Variants in CFAP54 observed in about 807,000 individuals in gnomAD.
CFAP54 encodes the protein cilia and flagella associated protein 54, also known as cilia- and flagella-associated protein 54.
In CFAP54, 290 loss-of-function variants were observed where a neutral mutation model predicts 370.4. The observed-to-expected ratio is 0.78, with a 90% CI of 0.71 to 0.86. The LOEUF (loss-of-function observed/expected upper bound fraction) is 0.86. CFAP54 is among the 40% of genes least tolerant of loss of function. The pLI is 0.00. For synonymous variants in CFAP54, 1,206 were observed against 1,236.5 expected, an observed-to-expected ratio of 0.98 and a Z score of 0.52; for missense variants, 3,399 against 3,528.7, an observed-to-expected ratio of 0.96 and a Z score of 0.93.
chr12:96,551,213 G>A (rs372017234), intron 15 of CFAP54, among the ~76,000 whole-genome samples: 138 of 152,188 alleles, frequency 9.1e-4, no homozygotes, highest in Non-Finnish European at 1.4e-3. Flanking sequence ...AGGCAAGATC[G>A]TGCCACTGTA....
chr12:96,505,015 T>G, intron 3 of CFAP54, among the ~76,000 whole-genome samples: 1 of 151,340 alleles, frequency 6.6e-6, no homozygotes, highest in East Asian at 1.9e-4. Context: ...TCTTTCTTTC[T>G]TTTTCTTTTC....
intron 39 of CFAP54, among the ~76,000 whole-genome samples, chr12:96,677,924 G>A (rs1171720174): frequency 1.3e-5 from 2 of 152,046 alleles, no homozygotes; most frequent in East Asian, 3.9e-4. Context: ...AATGACTCCA[G>A]GTTTCTTCCC....
intron 61 of CFAP54, among the ~76,000 whole-genome samples, 181 bp downstream of exon 61, chr12:96,785,071 A>G (rs888133312): frequency 3.9e-5 from 6 of 152,200 alleles, no homozygotes; most frequent in African/African-American, 7.2e-5. Context: ...TAGTACTTCA[A>G]TGTAATTGGT....
intron 14 of CFAP54, among the ~76,000 whole-genome samples, chr12:96,546,374 A>G (rs1955640056): frequency 6.6e-6 from 1 of 151,922 alleles, no homozygotes; most frequent in Non-Finnish European, 1.5e-5. Context: ...TTTTCTCCAC[A>G]CTTCCTTCCC....
At chr12:96,625,651 T>C in intron 28 of CFAP54, 67 bp from the exon 29 acceptor site, 1 of 921,918 alleles carries the variant, frequency 1.1e-6, no homozygotes, top group Non-Finnish European at 1.6e-6. Context: ...TTATTGTGAA[T>C]TACTCAAAAA....
At position 96,771,760 on chromosome 12, in the gene CFAP54, A is replaced by C. The variant is rs549369206; in HGVS notation, c.8281+6542A>C. 6.6e-5 allele frequency among the ~76,000 whole-genome samples: 10 copies of C among 152,334 alleles called. No homozygotes were observed. In the South Asian group the frequency reaches 2.1e-3, roughly 32 times the overall value. On this transcript the variant is annotated intron_variant, in intron 60 of 67. Coordinates refer to ENST00000524981, the MANE Select transcript of CFAP54 (RefSeq NM_001306084.2). Reference sequence around the variant, plus strand: ...ATACATGGAAATTGGCATTTTAAATACTGGCCCAGAACCAGTGAAACCCAG... The same window carrying C: ...ATACATGGAAATTGGCATTTTAAATCCTGGCCCAGAACCAGTGAAACCCAG...
intron 26 of CFAP54, among the ~76,000 whole-genome samples, chr12:96,606,311 G>C (rs923264243): frequency 6.6e-6 from 1 of 152,142 alleles, no homozygotes; most frequent in African/African-American, 2.4e-5. Flanking sequence ...GAGTGGGCAG[G>C]TTTCAGCAGG....
intron 32 of CFAP54, among the ~76,000 whole-genome samples, chr12:96,639,687 A>G (rs1956702970): frequency 6.6e-6 from 1 of 152,216 alleles, no homozygotes; most frequent in Non-Finnish European, 1.5e-5. Context: ...TCAATAAAAT[A>G]CTGGCAAACG....
chr12:96,788,525 GT>G (rs1380342460), intron 62 of CFAP54, among the ~76,000 whole-genome samples: 1 of 152,158 alleles, frequency 6.6e-6, no homozygotes, highest in African/African-American at 2.4e-5. Flanking sequence ...TATAAGATAT[GT>G]TCATGTTACT....
In CFAP54 at chr12:96,684,736, G is replaced by T; in HGVS notation, c.5804+1G>T. 6.2e-7 allele frequency: 1 copy of T among 1,607,668 alleles called. No homozygotes were observed. Among genetic ancestry groups the T allele is most frequent in the South Asian group, 1.1e-5 (1 of 89,356 alleles). On this transcript the variant is annotated splice_donor_variant, in intron 41 of 67. Coordinates refer to ENST00000524981, the MANE Select transcript of CFAP54 (RefSeq NM_001306084.2). LOFTEE classifies it high-confidence loss of function. ...TTCTCATCTTCGCAGAAAAGAAAAGGTAGATTTTTAGAAGTCTGTAGAACA... is the reference window on the plus strand; with the variant it reads ...TTCTCATCTTCGCAGAAAAGAAAAGTTAGATTTTTAGAAGTCTGTAGAACA...
chr12:96,854,976 A>C (rs1040582656), intron 66 of CFAP54, among the ~76,000 whole-genome samples: 1 of 152,190 alleles, frequency 6.6e-6, no homozygotes. Context: ...AAAGAGGTTT[A>C]ATTGAATCAC....
rs1321029525 is a variant in CFAP54 at position 96,784,772 on chromosome 12, T to G, written c.8337T>G (p.Asp2779Glu). Reference sequence around the variant, plus strand: ...GTACATTTTTGTACCAAAATGATGATGTGTGTGACAGCGCAGATGGTAGAA... The same window carrying G: ...GTACATTTTTGTACCAAAATGATGAGGTGTGTGACAGCGCAGATGGTAGAA... ...TSCTFLYQND[D>E]VCDSADGRKK... The change falls in exon 61 of 68, where the codon GAT (aspartate) becomes GAG (glutamate). Residue 2779 changes from aspartate (D) to glutamate (E), a missense_variant. Around this residue, in one of 3 missense-constraint regions of CFAP54, gnomAD observed 2,796 missense variants for 2,869.7 expected, o/e 0.97. Transcript: ENST00000524981. 1 of 1,533,506 alleles carries G rather than the reference T, an allele frequency of 6.5e-7. No homozygotes were observed. The highest frequency in any genetic ancestry group is 8.7e-7 in the Non-Finnish European group (1 of 1,145,716). 95.0% of individuals were successfully genotyped at this position (1,533,506 alleles called of 1,614,324 possible).
chr12:96,765,243 T>C, intron 60 of CFAP54, 25 bp downstream of exon 60: 1 of 1,454,188 alleles, frequency 6.9e-7, no homozygotes, highest in East Asian at 2.3e-5. Context: ...CTACATATTA[T>C]GCAAAAAAAC....
At chr12:96,693,999 T>C (rs1349272908) in intron 45 of CFAP54, among the ~76,000 whole-genome samples, 191 bp downstream of exon 45, 3 of 151,934 alleles carry the variant, frequency 2.0e-5, no homozygotes, top group African/African-American at 7.3e-5. Flanking sequence ...GATTATTTTA[T>C]GCTTGGGCCA....
chr12:96,619,947 T>C (rs1164373797), intron 26 of CFAP54, among the ~76,000 whole-genome samples: 1 of 152,216 alleles, frequency 6.6e-6, no homozygotes, highest in Non-Finnish European at 1.5e-5. Flanking sequence ...GACTCATGCC[T>C]ATAATCCCAG....
At chr12:96,709,882 A>G (rs1957592015) in intron 48 of CFAP54, among the ~76,000 whole-genome samples, 2 of 151,890 alleles carry the variant, frequency 1.3e-5, no homozygotes, top group South Asian at 4.2e-4. Context: ...CACCACGCCC[A>G]GCTAATTTTT....
At chr12:96,717,523 A>G (rs1351431764) in intron 48 of CFAP54, among the ~76,000 whole-genome samples, 1 of 152,194 alleles carries the variant, frequency 6.6e-6, no homozygotes, top group East Asian at 1.9e-4. Flanking sequence ...TAGTCAAATG[A>G]TTTGTGGTTT....
At position 96,565,406 on chromosome 12, in the gene CFAP54, A is replaced by T. The variant is rs186531579; in HGVS notation, c.2619+641A>T. Among the ~76,000 whole-genome samples the T allele has an allele frequency of 7.3e-3, 1,111 of 151,932 alleles. 33 individuals are homozygous for T. The highest frequency in any genetic ancestry group is 0.055 in the East Asian group (286 of 5,154). ...CCACCATGCCAGAATATTAAAAAAAATTTTTTTTGGTAGAGTCAGACCCTT... is the reference window on the plus strand; with the variant it reads ...CCACCATGCCAGAATATTAAAAAAATTTTTTTTTGGTAGAGTCAGACCCTT... On this transcript the variant is annotated intron_variant, in intron 19 of 67. Transcript: ENST00000524981.
rs569425940 is a variant in CFAP54, at chr12:96,652,424, A to G, written c.5100+609A>G. Among the ~76,000 whole-genome samples the G allele has an allele frequency of 3.3e-5, 5 of 152,350 alleles. No homozygotes were observed. In the South Asian group the frequency reaches 1.0e-3, roughly 32 times the overall value. ...TAAATTATTAAGGTTTTTACACTTT[A>G]TATAAAGTGGTACAATATTAACTCT... On this transcript the variant is annotated intron_variant, in intron 36 of 67. Coordinates refer to ENST00000524981, the MANE Select transcript of CFAP54 (RefSeq NM_001306084.2).
Sources: gnomAD v4.1 joint callset for allele counts (sites outside exome capture counted in the v4.1 genomes callset) on GRCh38, gnomAD v4.1.1 for gene constraint, gnomAD v4.1.1 regional missense constraint, MANE v1.5 for transcripts, NCBI Gene and HGNC (gene_info 2026-07-23, HGNC 2026-07-21) for gene names.